The following CDK8 variants were observed in gnomAD, a reference collection of about 807,000 sequenced individuals.
CDK8 encodes the protein cyclin dependent kinase 8.
In CDK8, 29 loss-of-function variants were observed where a neutral mutation model predicts 71.5. That is an observed-to-expected ratio of 0.41 (90% CI 0.30 to 0.55). CDK8 has a LOEUF of 0.55. Among genes scored for constraint, CDK8 ranks in the 20% least tolerant of loss-of-function variants. CDK8 has a pLI of 0.37. For synonymous variants in CDK8, 161 were observed against 192.1 expected (o/e 0.84, Z 1.34); for missense variants, 288 against 572.6 (o/e 0.50, Z 5.07).
At chr13:26,275,219 C>T (rs1872517761) in intron 1 of CDK8, among the ~76,000 whole-genome samples, 1 of 152,152 alleles carries the variant, frequency 6.6e-6, no homozygotes, top group Non-Finnish European at 1.5e-5. Context: ...AGACTGGAAC[C>T]TTGATGTTAG....
In CDK8 at chr13:26,393,432, C is replaced by A; in HGVS notation, c.712C>A (p.Gln238Lys). The change falls in exon 7 of 13, where the codon CAA becomes AAA. Residue 238 changes from glutamine to lysine, a missense_variant. Gln to Lys is a moderately conservative substitution (Grantham distance 53). Coordinates refer to ENST00000381527, the MANE Select transcript of CDK8 (RefSeq NM_001260.3). Reference protein sequence around the residue: ...LTSEPIFHCRQEDIKTSNPYH... With the variant: ...LTSEPIFHCRKEDIKTSNPYH... ...GTCAGAACCAATATTTCACTGTCGA[C>A]AAGAGGACATCAAAACTAGTAATCC... 6.2e-7 allele frequency: 1 copy of A among 1,611,656 alleles called. No homozygotes were observed. The highest frequency in any genetic ancestry group is 8.5e-7 in the Non-Finnish European group (1 of 1,178,366).
rs9319292 is a variant in CDK8, at chr13:26,321,573, A to G, written c.129-15994A>G. Among the ~76,000 whole-genome samples the G allele has an allele frequency of 6.8e-3, 1,033 of 152,284 alleles. 8 individuals are homozygous for G. Among genetic ancestry groups the G allele is most frequent in the Middle Eastern group, 0.024 (7 of 294 alleles). On this transcript the variant is annotated intron_variant, in intron 1 of 12. Transcript: ENST00000381527. ...TTTACCACAATTAAAAAATGGAAAA[A>G]AAGTGACAATGTGTGTAATAAGCTA...
intron 6 of CDK8, 111 bp from the exon 7 acceptor site, chr13:26,393,256 A>G (rs1875835376): frequency 3.0e-6 from 2 of 662,124 alleles, no homozygotes; most frequent in African/African-American, 3.7e-5. Flanking sequence ...ACACTCCCCA[A>G]GAAAATAAAA....
At chr13:26,386,844 C>G (rs1169751986) in intron 6 of CDK8, among the ~76,000 whole-genome samples, 1 of 152,122 alleles carries the variant, frequency 6.6e-6, no homozygotes, top group East Asian at 1.9e-4. Context: ...ATTGGTAGAT[C>G]ACCTGGGTTT....
chr13:26,303,890 A>G (rs793122), intron 1 of CDK8, among the ~76,000 whole-genome samples: 126,259 of 152,152 alleles, frequency 0.83, 54,053 homozygotes, highest in East Asian at 0.99. Context: ...GTCTGTTATT[A>G]ACCCAGCTAC....
intron 7 of CDK8, among the ~76,000 whole-genome samples, chr13:26,394,639 G>A (rs886758355): frequency 2.0e-5 from 3 of 152,128 alleles, no homozygotes; most frequent in East Asian, 1.9e-4. Flanking sequence ...CTGAGCCCAC[G>A]GGAAAGGCAT....
chr13:26,345,626 GC>G (rs1054443485), intron 2 of CDK8, among the ~76,000 whole-genome samples: 3 of 152,118 alleles, frequency 2.0e-5, no homozygotes, highest in African/African-American at 7.2e-5. Flanking sequence ...TCAATGATCT[GC>G]CTGCCTCGGC....
At chr13:26,375,223 A>T (rs1874890629) in intron 4 of CDK8, among the ~76,000 whole-genome samples, 1 of 152,192 alleles carries the variant, frequency 6.6e-6, no homozygotes, top group Admixed American at 6.5e-5. Flanking sequence ...TAGTTCAGAG[A>T]TCATAGATGA....
intron 1 of CDK8, among the ~76,000 whole-genome samples, chr13:26,291,432 A>G (rs1873293648): frequency 6.6e-6 from 1 of 152,202 alleles, no homozygotes; most frequent in Non-Finnish European, 1.5e-5. Context: ...AGAATTCTGA[A>G]ATTGGGAGCC....
chr13:26,315,997 C>G (rs957616933), intron 1 of CDK8, among the ~76,000 whole-genome samples: 2 of 152,176 alleles, frequency 1.3e-5, no homozygotes, highest in African/African-American at 4.8e-5. Context: ...CAATTTCACT[C>G]TTAGCACATT....
chr13:26,360,156 G>A (rs937004208), intron 4 of CDK8, among the ~76,000 whole-genome samples: 7 of 152,082 alleles, frequency 4.6e-5, no homozygotes, highest in African/African-American at 1.7e-4. Context: ...AGAATTCTGT[G>A]ATAAATTAAA....
intron 1 of CDK8, among the ~76,000 whole-genome samples, chr13:26,288,665 G>A (rs963193913): frequency 5.3e-5 from 8 of 151,868 alleles, no homozygotes; most frequent in African/African-American, 1.9e-4. Context: ...ATAATTTGGG[G>A]AGAATTAACA....
intron 1 of CDK8, among the ~76,000 whole-genome samples, chr13:26,284,086 C>T (rs969267281): frequency 6.6e-6 from 1 of 152,086 alleles, no homozygotes; most frequent in African/African-American, 2.4e-5. Context: ...AAAATTCTTG[C>T]AACTGAACAG....
intron 4 of CDK8, among the ~76,000 whole-genome samples, chr13:26,379,061 G>T (rs1401252159): frequency 6.6e-6 from 1 of 152,122 alleles, no homozygotes; most frequent in East Asian, 1.9e-4. Context: ...ATTACATTCA[G>T]AAAAGAAGAA....
intron 1 of CDK8, among the ~76,000 whole-genome samples, chr13:26,291,391 T>C (rs2137902055): frequency 6.6e-6 from 1 of 152,280 alleles, no homozygotes; most frequent in Admixed American, 6.5e-5. Context: ...TATATACATA[T>C]AGAAAGAGTT....
chr13:26,335,920 TAACAACAACAACAACAAC>T (rs71080255), intron 1 of CDK8, among the ~76,000 whole-genome samples: 1 of 149,976 alleles, frequency 6.7e-6, no homozygotes, highest in East Asian at 2.0e-4. Context: ...TTCTCTTGCT[TAACAACAACAACAACAAC>T]AACAACAACA....
chr13:26,276,225 A>G (rs1219332357), intron 1 of CDK8, among the ~76,000 whole-genome samples: 1 of 151,994 alleles, frequency 6.6e-6, no homozygotes, highest in Non-Finnish European at 1.5e-5. Context: ...TTGTCTTTTG[A>G]TTTTTAAATG....
At chr13:26,381,411 TA>T (rs1468591075) in intron 4 of CDK8, among the ~76,000 whole-genome samples, 1 of 152,124 alleles carries the variant, frequency 6.6e-6, no homozygotes, top group East Asian at 1.9e-4. Flanking sequence ...CACCTGTGTG[TA>T]GCTCCCAGGG....
intron 4 of CDK8, among the ~76,000 whole-genome samples, chr13:26,381,212 G>A (rs1875210496): frequency 1.3e-5 from 2 of 152,168 alleles, no homozygotes; most frequent in African/African-American, 4.8e-5. Flanking sequence ...TGAATTGGGA[G>A]CAATCCTTTA....
Sources: gnomAD v4.1 joint callset for allele counts (sites outside exome capture counted in the v4.1 genomes callset) on GRCh38, gnomAD v4.1.1 for gene constraint, MANE v1.5 for transcripts, NCBI Gene and HGNC (gene_info 2026-07-23, HGNC 2026-07-21) for gene names.